ANO7: variants seen among roughly 807,000 people sequenced by gnomAD.
ANO7 encodes the protein anoctamin-7.
A neutral mutation model predicts 115.8 loss-of-function variants in ANO7; 114 were observed. That is an observed-to-expected ratio of 0.98 (90% CI 0.85 to 1.15). The LOEUF is 1.15. ANO7 is among the 50% of genes most tolerant of loss of function. The pLI is 0.00. For synonymous variants in ANO7, 550 were observed against 498.2 expected, an observed-to-expected ratio of 1.10 and a Z score of -1.38; for missense variants, 1,302 against 1,201.2, an observed-to-expected ratio of 1.08 and a Z score of -1.24.
At chr2:241,194,275 ATG>A (rs2068270723) in intron 3 of ANO7, among the ~76,000 whole-genome samples, 1 of 135,030 alleles carries the variant, frequency 7.4e-6, no homozygotes, top group Non-Finnish European at 1.6e-5. Flanking sequence ...TTCACTGCCT[ATG>A]TGTCATAGGT....
At chr2:241,202,519 C>T in intron 8 of ANO7, among the ~76,000 whole-genome samples, 1 of 152,222 alleles carries the variant, frequency 6.6e-6, no homozygotes, top group Non-Finnish European at 1.5e-5. Flanking sequence ...GACTGCAGCC[C>T]ACACTGCGGT....
the ANO7 span, chr2:241,238,901 C>T: frequency 1.3e-6 from 1 of 793,206 alleles, no homozygotes; most frequent in Non-Finnish European, 1.9e-6. This position sits in a 1 kb window ranked among gnomAD's most constrained non-coding sequence, Gnocchi z 4.9. Flanking sequence ...CCACTTGGCA[C>T]AGATGCTCCC....
At chr2:241,200,740 GA>G (rs1304230651) in intron 6 of ANO7, among the ~76,000 whole-genome samples, 3 of 152,260 alleles carry the variant, frequency 2.0e-5, no homozygotes, top group African/African-American at 7.2e-5. Flanking sequence ...CACTGTCGGG[GA>G]ACCAGTGCTG....
rs557295043 is a variant in ANO7 at position 241,208,952 on chromosome 2, A to C, written c.1078-333A>C. 6.6e-5 allele frequency among the ~76,000 whole-genome samples: 10 copies of C among 152,206 alleles called. No individual in the cohort carries two copies. In the South Asian group the frequency reaches 2.1e-3, roughly 32 times the overall value. On this transcript the variant is annotated intron_variant, in intron 11 of 24. Transcript: ENST00000674324. ...ATCACAAGGTCAGAAGATCGAGACC[A>C]TCCTGGCTAACACGGTGAAACCTCG... is the stretch of plus-strand genomic sequence containing the variant.
intron 3 of ANO7, among the ~76,000 whole-genome samples, chr2:241,192,312 C>G (rs1383952242): frequency 1.3e-5 from 2 of 152,004 alleles, no homozygotes; most frequent in African/African-American, 4.8e-5. Context: ...GCAGCAAGAG[C>G]AAAACTCCAT....
chr2:241,201,446 T>G, intron 7 of ANO7, 91 bp downstream of exon 7: 5 of 1,421,080 alleles, frequency 3.5e-6, no homozygotes, highest in Non-Finnish European at 3.9e-6. Context: ...CAGAAAGGCC[T>G]GCTTGAGACC....
intron 17 of ANO7, chr2:241,212,830 GAACCACACCAA>G (rs2149231841): frequency 1.7e-6 from 1 of 574,056 alleles, no homozygotes; most frequent in African/African-American, 1.9e-5. Flanking sequence ...GCCCCATTCA[GAACCACACCAA>G]AACACTCCAG....
Position 241,188,865 on chromosome 2 carries a change from A to G in ANO7, c.-8+99A>G, listed in dbSNP as rs1257943919. On this transcript the variant is annotated intron_variant, in intron 1 of 24. Transcript: ENST00000674324. The surrounding 1 kb of genome is among the most constrained non-coding windows in gnomAD (Gnocchi z 4.3). ...CCCCAGCCCACCGGGACTTTCACACACCCTGGCCTGTGGGGAGGCAGTGCC... is the reference window on the plus strand; with the variant it reads ...CCCCAGCCCACCGGGACTTTCACACGCCCTGGCCTGTGGGGAGGCAGTGCC... The G allele has an allele frequency of 6.8e-7, 1 of 1,464,350 alleles. No individual in the cohort carries two copies. The highest frequency in any genetic ancestry group is 9.1e-7 in the Non-Finnish European group (1 of 1,095,750). 90.7% of individuals were successfully genotyped at this position (1,464,350 alleles called of 1,614,324 possible).
rs532049102 is a variant in ANO7, at chr2:241,200,313, G to A, written c.554+88G>A. On this transcript the variant is annotated intron_variant, in intron 6 of 24. Coordinates refer to ENST00000674324, the MANE Select transcript of ANO7 (RefSeq NM_001370694.2). Reference sequence around the variant, plus strand: ...TGAGCGGAACTTGGTGCTTCCCCAGGACTCTCCTCACCTGGAGTTTTCGGC... The same window carrying A: ...TGAGCGGAACTTGGTGCTTCCCCAGAACTCTCCTCACCTGGAGTTTTCGGC... The A allele has an allele frequency of 4.2e-5, 64 of 1,516,010 alleles. 1 individual carries two copies. The South Asian group carries it at 7.9e-4, about 19-fold the overall frequency. The allele number at this position is 1,516,010 out of a possible 1,614,324, so 93.9% of individuals were successfully genotyped here. A position where few individuals can be genotyped will look rare whatever the true frequency, so the allele number is the denominator to read the frequency against.
At chr2:241,237,966 TA>T in the ANO7 span, among the ~76,000 whole-genome samples, 9 of 152,338 alleles carry the variant, frequency 5.9e-5, no homozygotes, top group Non-Finnish European at 1.0e-4. Context: ...GAGATGACAC[TA>T]TGTGCACTCA....
chr2:241,200,336 G>A lies in ANO7; in HGVS notation c.554+111G>A, dbSNP rs866294132. On this transcript the variant is annotated intron_variant, in intron 6 of 24. Coordinates refer to ENST00000674324, the MANE Select transcript of ANO7 (RefSeq NM_001370694.2). ...AGGACTCTCCTCACCTGGAGTTTTC[G>A]GCAGGGAATCTGAGGCCAGGTGCGC... is the stretch of plus-strand genomic sequence containing the variant. The A allele has an allele frequency of 6.0e-5, 85 of 1,425,624 alleles. No individual in the cohort carries two copies. The South Asian group carries it at 9.9e-4, about 17-fold the overall frequency. The allele number at this position is 1,425,624 out of a possible 1,614,324, so 88.3% of individuals were successfully genotyped here.
At chr2:241,191,070 G>A (rs942581298) in intron 2 of ANO7, 124 bp from the exon 3 acceptor site, 1 of 1,060,906 alleles carries the variant, frequency 9.4e-7, no homozygotes, top group African/African-American at 1.5e-5. Context: ...GTGGTCCTGA[G>A]TGTTCTGGGG....
At position 241,223,923 on chromosome 2, in the gene ANO7, G is replaced by A. The variant is rs764025009; in HGVS notation, c.2551G>A (p.Gly851Arg). The change falls in exon 24 of 25, where the codon GGA (glycine) becomes AGA (arginine). Residue 851 changes from glycine (G) to arginine (R), a missense_variant. Gly to Arg is a moderately radical substitution (Grantham distance 125). Coordinates refer to ENST00000674324, the MANE Select transcript of ANO7 (RefSeq NM_001370694.2). ...AENEVLFGTN[G>R]TKDEQPEGSE... ...GGGACAGGTTCTTTTTGGAACGAAC[G>A]GAACAAAGGATGAGCAGCCCGAGGG... 13 of 1,612,996 alleles carry A rather than the reference G, an allele frequency of 8.1e-6. No homozygotes were observed. In the East Asian group the frequency reaches 1.1e-4, roughly 14 times the overall value.
rs1265901660 is a variant in ANO7 at position 241,210,584 on chromosome 2, G to C, written c.1561+14G>C. The C allele has an allele frequency of 6.2e-7, 1 of 1,610,790 alleles. No homozygotes were observed. Among genetic ancestry groups the C allele is most frequent in the African/African-American group, 1.3e-5 (1 of 74,888 alleles). On this transcript the variant is annotated intron_variant, in intron 15 of 24. Transcript: ENST00000674324. Reference sequence around the variant, plus strand: ...TGACACGATGGGGTGAGTGGGCTGAGGCCGGCCAGGCACTGACCAGGGGCC... The same window carrying C: ...TGACACGATGGGGTGAGTGGGCTGACGCCGGCCAGGCACTGACCAGGGGCC...
chr2:241,189,134 C>G (rs973063785), intron 1 of ANO7, among the ~76,000 whole-genome samples: 1 of 152,148 alleles, frequency 6.6e-6, no homozygotes, highest in African/African-American at 2.4e-5. Context: ...GGCCGAAACT[C>G]CTCGGGGACT....
At chr2:241,213,519 C>T (rs559718111) in intron 17 of ANO7, among the ~76,000 whole-genome samples, 11 of 152,358 alleles carry the variant, frequency 7.2e-5, no homozygotes, top group East Asian at 1.9e-4. Context: ...AAGTAACTGA[C>T]GTGTGCATCA....
the ANO7 span, among the ~76,000 whole-genome samples, chr2:241,234,202 T>C: frequency 6.6e-6 from 1 of 152,198 alleles, no homozygotes; most frequent in African/African-American, 2.4e-5. Context: ...AAAAGAGGGC[T>C]TGGGACCACT....
rs199499943 is a variant in ANO7 at position 241,218,277 on chromosome 2, C to T, written c.2217C>T (p.Arg739=). 21 of 1,534,360 alleles carry T rather than the reference C, an allele frequency of 1.4e-5. No individual in the cohort carries two copies. The South Asian group carries it at 2.4e-4, about 17-fold the overall frequency. ...LLAFSSDFLP[R]AYYRWTRAHD... is the part of the protein sequence containing the mutation. ...CCTTCTCGTCCGACTTCCTGCCGCG[C>T]GCCTACTACCGGTGGACCCGCGCCC... Residue 739 remains arginine (R), a synonymous_variant, in exon 21 of 25, where the codon CGC becomes CGT. Coordinates refer to ENST00000674324, the MANE Select transcript of ANO7 (RefSeq NM_001370694.2).
In ANO7 at chr2:241,209,391, C is replaced by T; in HGVS notation, c.1184C>T (p.Ala395Val). 6.3e-7 allele frequency: 1 copy of T among 1,584,034 alleles called. No individual in the cohort carries two copies. Among genetic ancestry groups the T allele is most frequent in the Non-Finnish European group, 8.6e-7 (1 of 1,165,778 alleles). Residue 395 changes from alanine to valine, a missense_variant, in exon 12 of 25, where the codon GCC (alanine) becomes GTC (valine). Transcript: ENST00000674324. ...TGGAAGCGGAAGAGCGCCACGCTGG[C>T]CTACCGCTGGGACTGCTCTGACTAC... is the stretch of plus-strand genomic sequence containing the variant. ...EYWKRKSATLAYRWDCSDYED... is the reference protein window; with the variant it reads ...EYWKRKSATLVYRWDCSDYED...
Sources: gnomAD v4.1 joint callset for allele counts (sites outside exome capture counted in the v4.1 genomes callset) on GRCh38, gnomAD v4.1.1 for gene constraint, Gnocchi (gnomAD v3.1) non-coding constraint, MANE v1.5 for transcripts, NCBI Gene and HGNC (gene_info 2026-07-23, HGNC 2026-07-21) for gene names.